MGAT5: variants seen among roughly 807,000 people sequenced by gnomAD.
MGAT5 encodes alpha-1,6-mannosylglycoprotein 6-beta-N-acetylglucosaminyltransferase.
A neutral mutation model predicts 94.3 loss-of-function variants in MGAT5; 30 were observed. The ratio of observed to expected loss-of-function variants is 0.32; its 90% CI spans 0.24 to 0.43. MGAT5 has a LOEUF of 0.43. Ranked by LOEUF, MGAT5 falls within the 20% of genes least tolerant of loss-of-function variation. The pLI is 1.00. For synonymous variants in MGAT5, 310 were observed against 322.9 expected, an observed-to-expected ratio of 0.96 and a Z score of 0.43; for missense variants, 691 against 905.5, an observed-to-expected ratio of 0.76 and a Z score of 3.04.
intron 2 of MGAT5, among the ~76,000 whole-genome samples, chr2:134,297,196 CAA>C (rs143685303): frequency 0.054 from 5,427 of 100,566 alleles, 100 homozygotes; most frequent in African/African-American, 0.069. Flanking sequence ...GACCTGGTCT[CAA>C]AAAAAAAAAA....
intron 2 of MGAT5, among the ~76,000 whole-genome samples, chr2:134,288,516 A>T (rs2105760896): frequency 7.0e-6 from 1 of 142,882 alleles, no homozygotes; most frequent in East Asian, 2.0e-4. Flanking sequence ...CTAGCTCTTT[A>T]AAAAAAAAAA....
intron 2 of MGAT5, among the ~76,000 whole-genome samples, chr2:134,280,145 C>G (rs1215692068): frequency 6.6e-6 from 1 of 152,078 alleles, no homozygotes; most frequent in African/African-American, 2.4e-5. Flanking sequence ...TTTGTTTTTC[C>G]TTTCTCGCTT....
chr2:134,157,882 C>T (rs1687549164), intron 1 of MGAT5, among the ~76,000 whole-genome samples: 1 of 152,176 alleles, frequency 6.6e-6, no homozygotes, highest in Non-Finnish European at 1.5e-5. Flanking sequence ...AGCAGCAGTA[C>T]AGTTCTCAGA....
At chr2:134,151,650 A>G (rs1687185122) in intron 1 of MGAT5, among the ~76,000 whole-genome samples, 3 of 53,018 alleles carry the variant, frequency 5.7e-5, no homozygotes, top group East Asian at 6.7e-4. Context: ...TCCCACTGCC[A>G]TGGGACCTCA....
At chr2:134,142,108 TA>T (rs1026198248) in intron 1 of MGAT5, among the ~76,000 whole-genome samples, 2 of 152,112 alleles carry the variant, frequency 1.3e-5, no homozygotes, top group African/African-American at 4.8e-5. Flanking sequence ...GGCTGACGCT[TA>T]ATTCTGGTCT....
chr2:134,384,379 A>ACGT (rs1681835447), intron 10 of MGAT5, among the ~76,000 whole-genome samples: 1 of 152,126 alleles, frequency 6.6e-6, no homozygotes, highest in African/African-American at 2.4e-5. Flanking sequence ...CTGCCTTTGA[A>ACGT]AGTAAATGTG....
chr2:134,405,007 A>T (rs1683252381), intron 11 of MGAT5, among the ~76,000 whole-genome samples: 2 of 152,250 alleles, frequency 1.3e-5, no homozygotes, highest in South Asian at 4.1e-4. Flanking sequence ...CACTTGGCAG[A>T]GCTGGTTTTC....
intron 15 of MGAT5, among the ~76,000 whole-genome samples, chr2:134,444,355 G>A (rs1198825930): frequency 2.6e-5 from 4 of 152,140 alleles, no homozygotes; most frequent in Admixed American, 1.3e-4. Flanking sequence ...GGGATCGCTG[G>A]ACCCCACCCC....
At chr2:134,140,248 A>C (rs1686597850) in intron 1 of MGAT5, among the ~76,000 whole-genome samples, 1 of 152,236 alleles carries the variant, frequency 6.6e-6, no homozygotes, top group South Asian at 2.1e-4. Context: ...AGGCATGAGA[A>C]GGCAAAGCCA....
chr2:134,252,751 T>C (rs1359679575), upstream of MGAT5, among the ~76,000 whole-genome samples: 2 of 152,198 alleles, frequency 1.3e-5, no homozygotes, highest in Admixed American at 1.3e-4. Flanking sequence ...ACATATTTTT[T>C]ATTGCTTTTC....
chr2:134,225,997 A>G (rs888536264), intron 1 of MGAT5, among the ~76,000 whole-genome samples: 3 of 152,236 alleles, frequency 2.0e-5, no homozygotes, highest in African/African-American at 4.8e-5. Flanking sequence ...TGTGTTAAGT[A>G]GCCTAAACAG....
chr2:134,395,318 C>T (rs1294846032), intron 10 of MGAT5, among the ~76,000 whole-genome samples: 2 of 152,186 alleles, frequency 1.3e-5, no homozygotes, highest in Non-Finnish European at 2.9e-5. Flanking sequence ...CTTTAAGAGC[C>T]ATTCGTTAAA....
intron 7 of MGAT5, among the ~76,000 whole-genome samples, chr2:134,344,320 C>T (rs534790403): frequency 2.6e-5 from 4 of 151,674 alleles, no homozygotes; most frequent in Admixed American, 1.3e-4. Context: ...TATGGTCAAG[C>T]GAGGAGGAAA....
Position 134,254,407 on chromosome 2 carries a change from G to C in MGAT5, c.4G>C (p.Ala2Pro). ...CAGGTGAAGTTGCCAGAGAGCAATG[G>C]CTCTCTTCACTCCGTGGAAGTTGTC... M[A>P]LFTPWKLSSQ... Residue 2 changes from alanine to proline, a missense_variant, in exon 1 of 16, where the codon GCT becomes CCT. Coordinates refer to ENST00000281923, the MANE Select transcript of MGAT5 (RefSeq NM_002410.5). The C allele has an allele frequency of 2.5e-6, 4 of 1,614,156 alleles. No individual in the cohort carries two copies. Among genetic ancestry groups the C allele is most frequent in the Non-Finnish European group, 3.4e-6 (4 of 1,180,018 alleles).
chr2:134,147,717 A>C (rs753883620), intron 1 of MGAT5, among the ~76,000 whole-genome samples: 1 of 152,182 alleles, frequency 6.6e-6, no homozygotes, highest in Non-Finnish European at 1.5e-5. Context: ...ACCCGGTAAT[A>C]GAATCAGCGT....
intron 1 of MGAT5, among the ~76,000 whole-genome samples, chr2:134,182,885 C>A (rs1002332547): frequency 2.5e-4 from 35 of 141,876 alleles, no homozygotes; most frequent in Admixed American, 6.1e-4. Context: ...CTCCAGGGTT[C>A]ACGCCATTCT....
chr2:134,377,828 C>G (rs1482885361), intron 10 of MGAT5, among the ~76,000 whole-genome samples: 1 of 152,170 alleles, frequency 6.6e-6, no homozygotes, highest in African/African-American at 2.4e-5. Flanking sequence ...GCAAAAGGGC[C>G]TCCAACTCCT....
At chr2:134,292,966 A>G (rs1685461824) in intron 2 of MGAT5, among the ~76,000 whole-genome samples, 1 of 152,232 alleles carries the variant, frequency 6.6e-6, no homozygotes. Flanking sequence ...GATGGAGGTC[A>G]TGGACCTTCA....
chr2:134,373,775 G>A (rs1287769379), intron 10 of MGAT5, among the ~76,000 whole-genome samples: 1 of 152,178 alleles, frequency 6.6e-6, no homozygotes, highest in East Asian at 1.9e-4. Context: ...TGCAGTCCAG[G>A]CATGGAGAGA....
Sources: allele counts gnomAD v4.1 joint callset (sites outside exome capture counted in the v4.1 genomes callset), GRCh38; gene constraint gnomAD v4.1.1; transcripts MANE v1.5; gene names NCBI Gene and HGNC (gene_info 2026-07-23, HGNC 2026-07-21).